The following RGL1 variants were observed in gnomAD, a reference collection of about 807,000 sequenced individuals.
RGL1 encodes the protein ral guanine nucleotide dissociation stimulator like 1.
In RGL1, 24 loss-of-function variants were observed where a neutral mutation model predicts 95.2. The ratio of observed to expected loss-of-function variants is 0.25; its 90% confidence interval spans 0.18 to 0.35. The LOEUF is 0.35. Among genes scored for constraint, RGL1 ranks in the 10% least tolerant of loss-of-function variants. RGL1 has a pLI of 1.00. For missense variants in RGL1, 715 were observed against 936.3 expected (o/e 0.76, Z 3.08); for synonymous variants, 329 against 344.9 (o/e 0.95, Z 0.51).
chr1:183,661,539 C>G (rs200395449), intron 1 of RGL1, among the ~76,000 whole-genome samples: 9 of 150,158 alleles, frequency 6.0e-5, no homozygotes, highest in African/African-American at 1.5e-4. Flanking sequence ...AGACCAATAA[C>G]AGGCTCTGAA....
chr1:183,677,964 T>A (rs1265783979), intron 1 of RGL1, among the ~76,000 whole-genome samples: 1 of 152,198 alleles, frequency 6.6e-6, no homozygotes, highest in East Asian at 1.9e-4. Context: ...GCTTTTTTTC[T>A]GATGTGATAA....
In RGL1 at chr1:183,927,659, G is replaced by C. The variant is rs1201453993; in HGVS notation, c.*1367G>C. On this transcript the variant is annotated 3_prime_UTR_variant, in exon 18 of 18. Coordinates refer to ENST00000360851, the MANE Select transcript of RGL1 (RefSeq NM_001297671.3). ...TCCTTCCAAGTCTGAGCTGTGCTGG[G>C]GTTTGAACTAAAAGCCATATGTGGA... 1 of 152,514 alleles carries C rather than the reference G, an allele frequency of 6.6e-6. No individual in the cohort carries two copies. Among genetic ancestry groups the C allele is most frequent in the East Asian group, 1.9e-4 (1 of 5,202 alleles). The allele number at this position is 152,514 out of a possible 1,614,324, so 9.4% of individuals were successfully genotyped here.
At chr1:183,823,009 T>C (rs1662595085) in intron 2 of RGL1, among the ~76,000 whole-genome samples, 1 of 152,200 alleles carries the variant, frequency 6.6e-6, no homozygotes, top group African/African-American at 2.4e-5. Context: ...AAATGTTACT[T>C]CTGTGAGTCC....
At chr1:183,734,130 A>AT (rs1279360713) in intron 1 of RGL1, among the ~76,000 whole-genome samples, 1 of 152,222 alleles carries the variant, frequency 6.6e-6, no homozygotes, top group Non-Finnish European at 1.5e-5. Flanking sequence ...AGTTAAAATG[A>AT]TTTTGTGTAT....
intron 1 of RGL1, among the ~76,000 whole-genome samples, chr1:183,668,278 G>A (rs1021234942): frequency 8.5e-5 from 13 of 152,076 alleles, no homozygotes; most frequent in African/African-American, 2.9e-4. Flanking sequence ...GTCTGAGGAA[G>A]TATTTCTCTT....
intron 2 of RGL1, among the ~76,000 whole-genome samples, chr1:183,791,213 A>C (rs548594839): frequency 6.6e-6 from 1 of 152,270 alleles, no homozygotes; most frequent in South Asian, 2.1e-4. Context: ...AAAAGCAAAG[A>C]TCTGTCTAAA....
At chr1:183,882,868 G>A (rs1666903063) in intron 5 of RGL1, among the ~76,000 whole-genome samples, 1 of 152,200 alleles carries the variant, frequency 6.6e-6, no homozygotes. Flanking sequence ...TAAGCATTCT[G>A]GGGGAGTAGT....
intron 1 of RGL1, among the ~76,000 whole-genome samples, chr1:183,737,719 G>A (rs532450211): frequency 6.6e-6 from 1 of 152,208 alleles, no homozygotes; most frequent in East Asian, 1.9e-4. Flanking sequence ...GGTTGAGGCA[G>A]TATGCAATCA....
intron 2 of RGL1, among the ~76,000 whole-genome samples, chr1:183,774,143 C>G (rs1572395973): frequency 6.6e-6 from 1 of 152,124 alleles, no homozygotes; most frequent in East Asian, 1.9e-4. Flanking sequence ...TCCTTTTGGA[C>G]AGGGAACATG....
intron 1 of RGL1, chr1:183,648,095 G>T: frequency 6.2e-7 from 1 of 1,614,218 alleles, no homozygotes; most frequent in Non-Finnish European, 8.5e-7. Context: ...TTATGGCATT[G>T]ATTTCATATG....
At position 183,677,079 on chromosome 1, in the gene RGL1, T is replaced by C. The variant is rs1652874197; in HGVS notation, c.-33+40578T>C. 2.0e-5 allele frequency among the ~76,000 whole-genome samples: 3 copies of C among 152,032 alleles called. No individual in the cohort carries two copies. The South Asian group carries it at 6.3e-4, about 32-fold the overall frequency. The stretch of plus-strand genomic sequence containing the variant: ...AATAGTGTGATTATATGTCCCATTG[T>C]GCCCAGGGTAGCCCTAGTTTTTACC... On this transcript the variant is annotated intron_variant, in intron 1 of 18. Coordinates refer to the RGL1 transcript ENST00000304685.
intron 14 of RGL1, among the ~76,000 whole-genome samples, chr1:183,907,973 G>A (rs1250951360): frequency 1.3e-5 from 2 of 152,020 alleles, no homozygotes; most frequent in Non-Finnish European, 1.5e-5. Flanking sequence ...CTCTAGCCTG[G>A]ATGACAGGGC....
intron 2 of RGL1, chr1:183,742,369 C>T: frequency 1.3e-6 from 2 of 1,530,166 alleles, no homozygotes; most frequent in East Asian, 2.3e-5. Context: ...GTGTAGCCAG[C>T]ACCACAGGCC....
At chr1:183,687,022 G>A (rs901968061) in intron 1 of RGL1, among the ~76,000 whole-genome samples, 3 of 152,204 alleles carry the variant, frequency 2.0e-5, no homozygotes, top group Non-Finnish European at 4.4e-5. Context: ...CAATCCATCA[G>A]CACATGCTGA....
intron 2 of RGL1, among the ~76,000 whole-genome samples, chr1:183,811,531 A>T (rs1182998061): frequency 6.6e-6 from 1 of 152,262 alleles, no homozygotes; most frequent in East Asian, 1.9e-4. Flanking sequence ...TTTAGCAGCT[A>T]TGTGTAAATG....
At chr1:183,868,433 CA>C (rs1201717631) in intron 4 of RGL1, among the ~76,000 whole-genome samples, 1 of 152,140 alleles carries the variant, frequency 6.6e-6, no homozygotes, top group Non-Finnish European at 1.5e-5. Context: ...CCTTCTCGCT[CA>C]AAGTGTGACC....
At chr1:183,894,251 C>T (rs536951874) in intron 9 of RGL1, among the ~76,000 whole-genome samples, 23 of 152,330 alleles carry the variant, frequency 1.5e-4, no homozygotes, top group Non-Finnish European at 2.1e-4. Context: ...TACTGTGCAG[C>T]TCATTGCCTG....
intron 17 of RGL1, among the ~76,000 whole-genome samples, chr1:183,923,602 AGCT>A (rs1284932656): frequency 1.3e-5 from 2 of 152,118 alleles, no homozygotes; most frequent in Non-Finnish European, 2.9e-5. Flanking sequence ...CCTAAATGCA[AGCT>A]GCTGGACCCC....
chr1:183,924,772 C>T (rs971645969), intron 17 of RGL1, among the ~76,000 whole-genome samples: 4 of 148,572 alleles, frequency 2.7e-5, no homozygotes, highest in Admixed American at 6.7e-5. Flanking sequence ...TGGTGAAACC[C>T]GCCTCTACTA....
Sources: gnomAD v4.1 joint callset for allele counts (sites outside exome capture counted in the v4.1 genomes callset) on GRCh38, gnomAD v4.1.1 for gene constraint, MANE v1.5 for transcripts, NCBI Gene and HGNC (gene_info 2026-07-23, HGNC 2026-07-21) for gene names.